OSBP2: variants seen among roughly 807,000 people sequenced by gnomAD.
The protein encoded by OSBP2 is oxysterol-binding protein 2.
In OSBP2, 66 loss-of-function variants were observed where a neutral mutation model predicts 96.0. The observed-to-expected ratio is 0.69, with a 90% CI of 0.56 to 0.84. The LOEUF (loss-of-function observed/expected upper bound fraction) is 0.84. OSBP2 is among the 40% of genes least tolerant of loss of function. OSBP2 has a pLI of 0.00. For missense variants in OSBP2, 1,038 were observed against 1,222.7 expected (o/e 0.85, Z 2.25); for synonymous variants, 525 against 520.9 (o/e 1.01, Z -0.11).
intron 3 of OSBP2, chr22:30,872,606 ACGGAAGC>A (rs2039481877): frequency 2.8e-6 from 1 of 354,098 alleles, no homozygotes; most frequent in Non-Finnish European, 5.6e-6. Context: ...GCCCTGAGTG[ACGGAAGC>A]TGTGCCCTGG....
At chr22:30,832,925 A>G (rs2038558461) in intron 2 of OSBP2, among the ~76,000 whole-genome samples, 1 of 152,186 alleles carries the variant, frequency 6.6e-6, no homozygotes, top group South Asian at 2.1e-4. Flanking sequence ...TAGAGTTTAA[A>G]GTTTTTAAAA....
chr22:30,781,568 T>C (rs2090519775), intron 2 of OSBP2, among the ~76,000 whole-genome samples: 1 of 152,128 alleles, frequency 6.6e-6, no homozygotes, highest in South Asian at 2.1e-4. Flanking sequence ...CTGATATACC[T>C]CTGCTTCCTG....
intron 2 of OSBP2, among the ~76,000 whole-genome samples, chr22:30,840,117 AGTTAGT>A (rs1297201738): frequency 6.8e-6 from 1 of 146,616 alleles, no homozygotes; most frequent in African/African-American, 2.5e-5. Flanking sequence ...CTAGATGACG[AGTTAGT>A]GGGTGCAGTG....
At chr22:30,900,196 G>A (rs1171181766) in intron 12 of OSBP2, among the ~76,000 whole-genome samples, 3 of 151,804 alleles carry the variant, frequency 2.0e-5, no homozygotes, top group Non-Finnish European at 4.4e-5. Flanking sequence ...AAAGGTTGTG[G>A]TGAGCCAAGA....
chr22:30,717,090 T>TTTTTTTGTGTGTGTG (rs71328866), intron 1 of OSBP2, among the ~76,000 whole-genome samples: 4 of 118,320 alleles, frequency 3.4e-5, no homozygotes, highest in African/African-American at 1.3e-4. Flanking sequence ...TTTACTGTTT[T>TTTTTTTGTGTGTGTG]TGTGTGTGTG....
At chr22:30,750,619 A>G (rs1244107973) in intron 2 of OSBP2, among the ~76,000 whole-genome samples, 1 of 152,096 alleles carries the variant, frequency 6.6e-6, no homozygotes, top group Non-Finnish European at 1.5e-5. Context: ...CTGATAAGAA[A>G]CATTGGCAAT....
At chr22:30,877,132 A>G (rs1037074916) in intron 3 of OSBP2, among the ~76,000 whole-genome samples, 1 of 151,856 alleles carries the variant, frequency 6.6e-6, no homozygotes, top group East Asian at 1.9e-4. Flanking sequence ...AGCCCAGCAC[A>G]TGGGAGCCTC....
intron 3 of OSBP2, among the ~76,000 whole-genome samples, chr22:30,879,436 G>A (rs151108393): frequency 2.7e-4 from 41 of 152,352 alleles, no homozygotes; most frequent in Admixed American, 1.4e-3. Context: ...CACCAGTGCC[G>A]AGAGTGAGTC....
At chr22:30,725,089 TGGCGTGAACCCAGGA>T (rs2089620640) in intron 1 of OSBP2, among the ~76,000 whole-genome samples, 2 of 146,526 alleles carry the variant, frequency 1.4e-5, no homozygotes, top group African/African-American at 5.1e-5. Context: ...GGCAGGAGAA[TGGCGTGAACCCAGGA>T]GGCGGATCTT....
At chr22:30,702,418 A>C (rs2089178518) in intron 1 of OSBP2, among the ~76,000 whole-genome samples, 1 of 152,138 alleles carries the variant, frequency 6.6e-6, no homozygotes. Context: ...GTTTGAGACC[A>C]GCCTGACCAA....
chr22:30,780,940 G>T (rs2090510267), intron 2 of OSBP2, among the ~76,000 whole-genome samples: 1 of 152,090 alleles, frequency 6.6e-6, no homozygotes, highest in Non-Finnish European at 1.5e-5. Context: ...GACCACAGAA[G>T]GTTCTGTGCC....
intron 12 of OSBP2, among the ~76,000 whole-genome samples, chr22:30,898,591 TA>T (rs766446791): frequency 6.6e-6 from 1 of 151,040 alleles, no homozygotes; most frequent in Admixed American, 6.6e-5. Context: ...GAGCAGAGAG[TA>T]GGGGAAACAG....
chr22:30,713,088 T>C (rs1296619646), intron 1 of OSBP2, among the ~76,000 whole-genome samples: 1 of 151,034 alleles, frequency 6.6e-6, no homozygotes, highest in Non-Finnish European at 1.5e-5. Flanking sequence ...AATTTTTTTT[T>C]TTTTTTTTGA....
chr22:30,709,142 C>T lies in OSBP2; in HGVS notation c.644+13589C>T, dbSNP rs1732272398. Among the ~76,000 whole-genome samples, 3 of 152,170 alleles carry T rather than the reference C, an allele frequency of 2.0e-5. No individual in the cohort carries two copies. The South Asian group carries it at 6.2e-4, about 32-fold the overall frequency. Reference sequence around the variant, plus strand: ...AAATAAATAAATAAATAAACAAAAACATATCCACAATACCACTATTACAAC... The same window carrying T: ...AAATAAATAAATAAATAAACAAAAATATATCCACAATACCACTATTACAAC... On this transcript the variant is annotated intron_variant, in intron 1 of 13. Coordinates refer to ENST00000332585, the MANE Select transcript of OSBP2 (RefSeq NM_030758.4).
At chr22:30,723,114 G>A (rs190515376) in intron 1 of OSBP2, among the ~76,000 whole-genome samples, 8 of 150,622 alleles carry the variant, frequency 5.3e-5, no homozygotes, top group African/African-American at 2.0e-4. Flanking sequence ...CATTACAATT[G>A]GTTGATATTT....
rs35254892 is a variant in OSBP2, at chr22:30,716,044, CTT to C, written c.644+20504_644+20505del. 4.2e-3 allele frequency among the ~76,000 whole-genome samples: 578 copies of C among 137,502 alleles called. 1 individual carries two copies. The highest frequency in any genetic ancestry group is 0.01 in the African/African-American group (379 of 36,472). 90.2% of individuals were successfully genotyped at this position (137,502 alleles called of 152,430 possible). On this transcript the variant is annotated intron_variant, in intron 1 of 13. Coordinates refer to ENST00000332585, the MANE Select transcript of OSBP2 (RefSeq NM_030758.4). ...GCATCTTTTCTTTCTTTCTTTCTTT[CTT>C]TTTTTTTTTTTTGAGACAGAATCTC...
intron 1 of OSBP2, among the ~76,000 whole-genome samples, chr22:30,712,018 C>T (rs907812383): frequency 1.3e-5 from 2 of 152,136 alleles, no homozygotes; most frequent in African/African-American, 4.8e-5. Context: ...ACGAAAGGTG[C>T]AGGCCAACAC....
chr22:30,798,208 C>T (rs2090792366), intron 2 of OSBP2, among the ~76,000 whole-genome samples: 3 of 152,276 alleles, frequency 2.0e-5, no homozygotes, highest in Non-Finnish European at 2.9e-5. Context: ...TTTTCATGTA[C>T]GTATTGGCCA....
chr22:30,808,491 A>G (rs1220532363), intron 2 of OSBP2, among the ~76,000 whole-genome samples: 3 of 152,198 alleles, frequency 2.0e-5, no homozygotes, highest in African/African-American at 7.2e-5. Context: ...TGGGTGATAG[A>G]GTGAGACCCT....
Sources: allele counts gnomAD v4.1 joint callset (sites outside exome capture counted in the v4.1 genomes callset), GRCh38; gene constraint gnomAD v4.1.1; transcripts MANE v1.5; gene names NCBI Gene and HGNC (gene_info 2026-07-23, HGNC 2026-07-21).